XNDC1N: variants seen among roughly 807,000 people sequenced by gnomAD.
The protein encoded by XNDC1N is XRCC1 N-terminal domain containing 1, N-terminal like, also known as protein XNDC1N.
the XNDC1N span, among the ~76,000 whole-genome samples, chr11:71,913,245 G>C: frequency 1.3e-5 from 2 of 152,056 alleles, no homozygotes; most frequent in African/African-American, 2.4e-5. Context: ...TATCACAGGG[G>C]TGTGGAAACC....
chr11:71,900,307 A>C, the XNDC1N span, among the ~76,000 whole-genome samples: 669 of 151,118 alleles, frequency 4.4e-3, 10 homozygotes, highest in African/African-American at 0.015. Flanking sequence ...GTCTCTGTGT[A>C]TTATTTCTTT....
the XNDC1N span, among the ~76,000 whole-genome samples, chr11:71,902,226 T>G: frequency 6.6e-6 from 1 of 152,238 alleles, no homozygotes; most frequent in Non-Finnish European, 1.5e-5. Flanking sequence ...AGTTTTGCTC[T>G]CGTTGCCCAG....
the XNDC1N span, among the ~76,000 whole-genome samples, chr11:71,887,975 G>C: frequency 4.9e-4 from 74 of 152,268 alleles, no homozygotes; most frequent in African/African-American, 1.7e-3. Flanking sequence ...CACTTGGACC[G>C]GGCTTCCCCA....
the XNDC1N span, among the ~76,000 whole-genome samples, chr11:71,877,839 C>A: frequency 5.3e-5 from 8 of 152,140 alleles, no homozygotes; most frequent in Admixed American, 5.2e-4. Flanking sequence ...TATAGGTTCC[C>A]TAAGGCCCAC....
chr11:71,890,354 G>T, the XNDC1N span, among the ~76,000 whole-genome samples: 1 of 151,998 alleles, frequency 6.6e-6, no homozygotes, highest in Admixed American at 6.5e-5. Flanking sequence ...GCGCCTCCCT[G>T]GATATGACGA....
chr11:71,883,382 T>A, the XNDC1N span, among the ~76,000 whole-genome samples: 1 of 152,186 alleles, frequency 6.6e-6, no homozygotes, highest in African/African-American at 2.4e-5. Context: ...GCTACTGGGA[T>A]AAAGATAGAC....
the XNDC1N span, among the ~76,000 whole-genome samples, chr11:71,881,142 G>A: frequency 6.6e-6 from 1 of 152,134 alleles, no homozygotes; most frequent in Non-Finnish European, 1.5e-5. Context: ...ATGTTGAGGT[G>A]TATCTCTCTC....
chr11:71,896,640 C>T, the XNDC1N span, among the ~76,000 whole-genome samples: 6 of 152,154 alleles, frequency 3.9e-5, no homozygotes, highest in Admixed American at 6.5e-5. Flanking sequence ...CTTGGCTCAC[C>T]GCAACCTCTG....
At chr11:71,892,289 G>C in the XNDC1N span, among the ~76,000 whole-genome samples, 21 of 151,282 alleles carry the variant, frequency 1.4e-4, no homozygotes, top group East Asian at 4.0e-4. Flanking sequence ...TTGATATTAG[G>C]TGTAATATTT....
chr11:71,913,611 A>G, the XNDC1N span, among the ~76,000 whole-genome samples: 7 of 151,208 alleles, frequency 4.6e-5, no homozygotes, highest in African/African-American at 1.7e-4. Context: ...GTCAGCCAAG[A>G]TCGTGCCACT....
the XNDC1N span, among the ~76,000 whole-genome samples, chr11:71,898,405 G>A: frequency 6.6e-5 from 10 of 151,976 alleles, no homozygotes; most frequent in East Asian, 1.9e-4. Flanking sequence ...TCAGGAGTTC[G>A]AGAACAGCCT....
At chr11:71,896,821 C>T in the XNDC1N span, among the ~76,000 whole-genome samples, 14 of 152,258 alleles carry the variant, frequency 9.2e-5, no homozygotes, top group Non-Finnish European at 1.5e-5. Flanking sequence ...GCCTCGGCCT[C>T]CCAAAGGGCT....
At chr11:71,879,236 A>G in the XNDC1N span, among the ~76,000 whole-genome samples, 2 of 152,302 alleles carry the variant, frequency 1.3e-5, no homozygotes, top group Middle Eastern at 6.8e-3. Flanking sequence ...TTTAAAGTTG[A>G]ATAAAACTCA....
chr11:71,910,064 C>T, the XNDC1N span, among the ~76,000 whole-genome samples: 4 of 152,240 alleles, frequency 2.6e-5, no homozygotes, highest in East Asian at 1.9e-4. Flanking sequence ...AAAAACAGGA[C>T]CCGGTCCCCA....
the XNDC1N span, among the ~76,000 whole-genome samples, chr11:71,895,604 G>C: frequency 4.0e-5 from 6 of 151,792 alleles, no homozygotes; most frequent in African/African-American, 1.2e-4. Context: ...TGGGATTACA[G>C]GCATGCGCGA....
chr11:71,920,115 G>A, the XNDC1N span, among the ~76,000 whole-genome samples: 1 of 146,512 alleles, frequency 6.8e-6, no homozygotes, highest in South Asian at 2.2e-4. Context: ...CCGCTACCAC[G>A]CCCAGCTAAT....
chr11:71,895,352 C>G, the XNDC1N span, among the ~76,000 whole-genome samples: 6 of 151,970 alleles, frequency 3.9e-5, no homozygotes, highest in Non-Finnish European at 5.9e-5. Context: ...TCTTGTTGCC[C>G]AGGCTGGAGT....
At chr11:71,900,366 GGC>G in the XNDC1N span, among the ~76,000 whole-genome samples, 3 of 152,110 alleles carry the variant, frequency 2.0e-5, no homozygotes, top group South Asian at 2.1e-4. Flanking sequence ...GCTGTGGAGG[GGC>G]AGGCCACCCC....
At chr11:71,917,271 C>T in the XNDC1N span, 4 of 675,390 alleles carry the variant, frequency 5.9e-6, no homozygotes, top group Non-Finnish European at 8.1e-6. Context: ...GTCCCAGTCT[C>T]CCAAAGTGCT....
Sources: gnomAD v4.1 joint callset for allele counts (sites outside exome capture counted in the v4.1 genomes callset) on GRCh38, gnomAD v4.1.1 for gene constraint, MANE v1.5 for transcripts, NCBI Gene and HGNC (gene_info 2026-07-23, HGNC 2026-07-21) for gene names.